The following UBR2 variants were observed in gnomAD, a reference collection of about 807,000 sequenced individuals.
UBR2 encodes E3 ubiquitin-protein ligase UBR2.
Under a neutral mutation model 247.9 loss-of-function variants are expected in UBR2, and 92 were observed. The observed-to-expected ratio is 0.37, with a 90% CI of 0.31 to 0.44. UBR2 has a LOEUF of 0.44. UBR2 is among the 20% of genes least tolerant of loss of function. UBR2 has a pLI of 1.00. For synonymous variants in UBR2, 672 were observed against 693.5 expected (o/e 0.97, Z 0.49); for missense variants, 1,613 against 2,112.6 (o/e 0.76, Z 4.64).
chr6:42,637,442 A>G (rs1379295028), intron 15 of UBR2, among the ~76,000 whole-genome samples: 1 of 152,194 alleles, frequency 6.6e-6, no homozygotes, highest in African/African-American at 2.4e-5. Flanking sequence ...AGTTGGCATT[A>G]TGAGGAAGTT....
intron 7 of UBR2, among the ~76,000 whole-genome samples, chr6:42,608,555 A>G (rs899568044): frequency 2.6e-5 from 4 of 152,192 alleles, no homozygotes; most frequent in African/African-American, 9.7e-5. Context: ...GCCTGAGCCC[A>G]GGAGTCCAAG....
Position 42,592,219 on chromosome 6 carries a change from A to G in UBR2, c.407A>G (p.His136Arg), listed in dbSNP as rs377008233. The G allele has an allele frequency of 6.3e-7, 1 of 1,592,326 alleles. No individual in the cohort carries two copies. Among genetic ancestry groups the G allele is most frequent in the Non-Finnish European group, 8.5e-7 (1 of 1,173,524 alleles). The change falls in exon 3 of 47, where the codon CAT (histidine) becomes CGT (arginine). Residue 136 changes from histidine (H) to arginine (R), a missense_variant. Transcript: ENST00000372901. ...ECFLGSIHRD[H>R]RYRMTTSGGG... is the part of the protein sequence containing the mutation. ...TTTTTGGGAAGTATTCACAGAGATC[A>G]TCGATATAGGGTTAGTAATGTCCAA... is the stretch of plus-strand genomic sequence containing the variant.
intron 20 of UBR2, among the ~76,000 whole-genome samples, chr6:42,644,904 C>A (rs1796668179): frequency 6.6e-6 from 1 of 152,074 alleles, no homozygotes; most frequent in Non-Finnish European, 1.5e-5. Context: ...GTTTGTGGTA[C>A]AAAAGTATCT....
At chr6:42,628,333 T>C (rs1349581023) in intron 11 of UBR2, among the ~76,000 whole-genome samples, 1 of 152,108 alleles carries the variant, frequency 6.6e-6, no homozygotes, top group Non-Finnish European at 1.5e-5. Flanking sequence ...TAAAAATAAC[T>C]TGCCCTAGAT....
intron 36 of UBR2, 105 bp downstream of exon 36, chr6:42,670,820 C>A (rs1582700274): frequency 5.0e-6 from 4 of 800,738 alleles, no homozygotes; most frequent in Non-Finnish European, 5.9e-6. Flanking sequence ...ACCTTCACTT[C>A]TTTCGTAGTA....
intron 41 of UBR2, among the ~76,000 whole-genome samples, chr6:42,679,487 C>T (rs1466289853): frequency 6.6e-6 from 1 of 152,192 alleles, no homozygotes; most frequent in African/African-American, 2.4e-5. Flanking sequence ...ATGATAAAGC[C>T]GAGACACCAG....
At chr6:42,687,453 C>G (rs189116721) in intron 44 of UBR2, among the ~76,000 whole-genome samples, 4 of 152,218 alleles carry the variant, frequency 2.6e-5, no homozygotes, top group Non-Finnish European at 4.4e-5. Context: ...AGCCTCGGCT[C>G]GGCATCAGAG....
At chr6:42,617,576 T>A in intron 11 of UBR2, 69 bp downstream of exon 11, 1 of 1,314,962 alleles carries the variant, frequency 7.6e-7, no homozygotes, top group Non-Finnish European at 1.1e-6. Flanking sequence ...AATAGAGAAC[T>A]AAAGTCTGTA....
intron 15 of UBR2, among the ~76,000 whole-genome samples, chr6:42,638,859 G>A (rs896845755): frequency 1.3e-5 from 2 of 150,588 alleles, no homozygotes; most frequent in Non-Finnish European, 2.9e-5. Flanking sequence ...AAAAAAAAAA[G>A]TCTAATTTTA....
In UBR2 at chr6:42,572,715, C is replaced by CT. The variant is rs113520755; in HGVS notation, c.79-1006dup. On this transcript the variant is annotated intron_variant, in intron 1 of 46. Transcript: ENST00000372901. ...TAACTGCATTCTAGCAGAAGTGAGTCTTTTTTTTTTTTTGTCCTTTGAGAC... is the reference window on the plus strand; with the variant it reads ...TAACTGCATTCTAGCAGAAGTGAGTCTTTTTTTTTTTTTTGTCCTTTGAGAC... 2.7e-3 allele frequency among the ~76,000 whole-genome samples: 386 copies of CT among 142,226 alleles called. 2 individuals carry two copies. Among genetic ancestry groups the CT allele is most frequent in the African/African-American group, 7.5e-3 (293 of 38,976 alleles). 93.3% of individuals were successfully genotyped at this position (142,226 alleles called of 152,430 possible). A position where few individuals can be genotyped will look rare whatever the true frequency, so the allele number is the denominator to read the frequency against.
At chr6:42,614,042 T>C (rs2151936658) in intron 8 of UBR2, among the ~76,000 whole-genome samples, 1 of 151,012 alleles carries the variant, frequency 6.6e-6, no homozygotes, top group South Asian at 2.1e-4. Flanking sequence ...CCAGGCGTGG[T>C]GGTGCATGCC....
At chr6:42,661,217 AGCAGAGCTT>A (rs1797782178) in intron 30 of UBR2, among the ~76,000 whole-genome samples, 1 of 151,788 alleles carries the variant, frequency 6.6e-6, no homozygotes, top group African/African-American at 2.4e-5. Context: ...GAACCCAGGA[AGCAGAGCTT>A]GCAGTGAGTC....
chr6:42,628,187 T>C (rs1280805294), intron 11 of UBR2, among the ~76,000 whole-genome samples: 1 of 152,128 alleles, frequency 6.6e-6, no homozygotes, highest in Non-Finnish European at 1.5e-5. Context: ...TTTTTACTTT[T>C]ATTAAGCGTT....
In UBR2 at chr6:42,640,383, G is replaced by GGTGTGTGTGT. The variant is rs61668810; in HGVS notation, c.1920+156_1920+165dup. The GGTGTGTGTGT allele has an allele frequency of 3.4e-3, 589 of 173,984 alleles. 1 individual carries two copies. Among genetic ancestry groups the GGTGTGTGTGT allele is most frequent in the Admixed American group, 8.3e-3 (70 of 8,460 alleles). 10.8% of individuals were successfully genotyped at this position (173,984 alleles called of 1,614,324 possible). ...TTCTCCAGAGGAACAGAACCAGTAA[G>GGTGTGTGTGT]GTGTGTGTGTGTGTGTGTGTGTGTG... On this transcript the variant is annotated intron_variant, in intron 16 of 46. Coordinates refer to ENST00000372901, the MANE Select transcript of UBR2 (RefSeq NM_001363705.2).
At chr6:42,613,386 G>A (rs1288709827) in intron 8 of UBR2, among the ~76,000 whole-genome samples, 1 of 152,244 alleles carries the variant, frequency 6.6e-6, no homozygotes, top group East Asian at 1.9e-4. Flanking sequence ...ATGAAGGTGT[G>A]GAAGATTAAG....
Position 42,637,326 on chromosome 6 carries a change from C to A in UBR2, c.1858+132C>A, listed in dbSNP as rs143707346. The A allele has an allele frequency of 1.4e-3, 1,406 of 1,022,192 alleles. 16 individuals carry two copies. The African/African-American group carries it at 0.02, about 15-fold the overall frequency. 63.3% of individuals were successfully genotyped at this position (1,022,192 alleles called of 1,614,324 possible). Reference sequence around the variant, plus strand: ...CTACATCATTAACTTATCCAATCATCACATCGTCCTGTGAAGTAGGTATTA... The same window carrying A: ...CTACATCATTAACTTATCCAATCATAACATCGTCCTGTGAAGTAGGTATTA... On this transcript the variant is annotated intron_variant, in intron 15 of 46. Transcript: ENST00000372901.
intron 21 of UBR2, among the ~76,000 whole-genome samples, chr6:42,647,128 T>C (rs1252372082): frequency 2.6e-5 from 4 of 152,028 alleles, no homozygotes; most frequent in African/African-American, 9.7e-5. Flanking sequence ...GGCCGAATGA[T>C]GAATAATTCC....
At chr6:42,573,073 G>C (rs1397782985) in intron 1 of UBR2, among the ~76,000 whole-genome samples, 1 of 152,060 alleles carries the variant, frequency 6.6e-6, no homozygotes, top group Non-Finnish European at 1.5e-5. Flanking sequence ...CATGCATTCA[G>C]TTATTGAGTT....
In UBR2 at chr6:42,689,571, T is replaced by A. The variant is rs1347411364; in HGVS notation, c.5027T>A (p.Val1676Glu). Residue 1676 changes from valine to glutamate, a missense_variant and splice_region_variant, in exon 46 of 47, where the codon GTA (valine) becomes GAA (glutamate). Val to Glu is a moderately radical substitution (Grantham distance 121). This residue lies in a region of UBR2 where 80 missense variants were observed against 108.6 expected (regional missense o/e 0.74). Transcript: ENST00000372901. This position sits in a 1 kb window ranked among gnomAD's most constrained non-coding sequence, Gnocchi z 4.0. Reference protein sequence around the residue: ...CGSGVGIFLRVRECQVLFLAG... With the variant: ...CGSGVGIFLRERECQVLFLAG... ...ACGTATGACTGATCTCTCTACAGAG[T>A]ACGGGAATGTCAGGTGCTATTTTTA... The A allele has an allele frequency of 6.2e-7, 1 of 1,613,896 alleles. No homozygotes were observed. Among genetic ancestry groups the A allele is most frequent in the Non-Finnish European group, 8.5e-7 (1 of 1,179,824 alleles).
Sources: allele counts gnomAD v4.1 joint callset (sites outside exome capture counted in the v4.1 genomes callset), GRCh38; gene constraint gnomAD v4.1.1; regional missense constraint gnomAD v4.1.1; non-coding constraint Gnocchi (gnomAD v3.1); transcripts MANE v1.5; gene names NCBI Gene and HGNC (gene_info 2026-07-23, HGNC 2026-07-21).